QTMAN: variants seen among roughly 807,000 people sequenced by gnomAD.
QTMAN encodes tRNA-queuosine alpha-mannosyltransferase.
At chr2:144,131,258 T>C in the QTMAN span, among the ~76,000 whole-genome samples, 1 of 151,772 alleles carries the variant, frequency 6.6e-6, no homozygotes, top group African/African-American at 2.4e-5. Context: ...AGCAAATCTG[T>C]TTCTCAATTC....
the QTMAN span, among the ~76,000 whole-genome samples, chr2:144,285,379 C>T: frequency 6.6e-6 from 1 of 152,118 alleles, no homozygotes. Flanking sequence ...ATCTGAGACC[C>T]CAGGACCTCC....
chr2:144,226,141 A>G, the QTMAN span, among the ~76,000 whole-genome samples: 1 of 152,224 alleles, frequency 6.6e-6, no homozygotes, highest in Non-Finnish European at 1.5e-5. Flanking sequence ...ATCATGGTCA[A>G]TATCATTGAA....
At chr2:143,942,518 C>G in the QTMAN span, 1 of 167,238 alleles carries the variant, frequency 6.0e-6, no homozygotes, top group Non-Finnish European at 1.5e-5. Context: ...CTCTTGTGCT[C>G]TAACAGGCAG....
At chr2:144,176,676 G>A in the QTMAN span, among the ~76,000 whole-genome samples, 1 of 152,144 alleles carries the variant, frequency 6.6e-6, no homozygotes, top group Non-Finnish European at 1.5e-5. Context: ...ATTTATGTAT[G>A]TATGTCAGCA....
the QTMAN span, among the ~76,000 whole-genome samples, chr2:144,264,739 C>T: frequency 2.0e-5 from 3 of 152,272 alleles, 1 homozygote; most frequent in East Asian, 3.9e-4. Flanking sequence ...ACTCCAATAA[C>T]GGTTTCCTTG....
At chr2:144,143,153 T>C in the QTMAN span, among the ~76,000 whole-genome samples, 2 of 152,036 alleles carry the variant, frequency 1.3e-5, no homozygotes, top group African/African-American at 2.4e-5. Context: ...AGCTATGATG[T>C]CTGATAGGTT....
At chr2:144,172,556 G>A in the QTMAN span, among the ~76,000 whole-genome samples, 6 of 146,400 alleles carry the variant, frequency 4.1e-5, no homozygotes, top group South Asian at 2.2e-4. Context: ...CCTGGGAGCC[G>A]TAAGTTGCAG....
the QTMAN span, among the ~76,000 whole-genome samples, chr2:144,135,458 A>G: frequency 6.6e-5 from 10 of 152,180 alleles, no homozygotes; most frequent in Admixed American, 6.6e-4. Context: ...CTGAGCCCAC[A>G]GCTGTTTCTT....
the QTMAN span, among the ~76,000 whole-genome samples, chr2:144,004,657 T>C: frequency 2.6e-5 from 4 of 152,024 alleles, no homozygotes; most frequent in Admixed American, 6.6e-5. Flanking sequence ...TTGCTACCCC[T>C]GTAGCTAGTA....
At chr2:143,946,870 G>T in the QTMAN span, 2 of 566,608 alleles carry the variant, frequency 3.5e-6, no homozygotes, top group African/African-American at 3.8e-5. Context: ...TGGTGGCAGG[G>T]ATTGGAGATC....
chr2:144,096,569 T>G, the QTMAN span, among the ~76,000 whole-genome samples: 13 of 152,244 alleles, frequency 8.5e-5, no homozygotes, highest in African/African-American at 2.4e-4. Flanking sequence ...GTGTACAGGC[T>G]AGTAGATTAA....
chr2:144,017,598 TGAGAA>T, the QTMAN span, among the ~76,000 whole-genome samples: 3 of 152,338 alleles, frequency 2.0e-5, no homozygotes, highest in South Asian at 2.1e-4. Context: ...TTAGCTGACC[TGAGAA>T]AAGTCTTTTC....
chr2:144,019,214 T>C, the QTMAN span, among the ~76,000 whole-genome samples: 5 of 152,086 alleles, frequency 3.3e-5, no homozygotes, highest in African/African-American at 1.2e-4. Context: ...GCAAACATGC[T>C]AGAGCAAACA....
the QTMAN span, among the ~76,000 whole-genome samples, chr2:144,245,882 C>T: frequency 2.6e-5 from 4 of 152,184 alleles, no homozygotes; most frequent in Non-Finnish European, 5.9e-5. Flanking sequence ...CCCTCCCTCT[C>T]CCAGTAGATT....
the QTMAN span, among the ~76,000 whole-genome samples, chr2:144,180,255 CG>C: frequency 6.6e-6 from 1 of 151,856 alleles, no homozygotes; most frequent in South Asian, 2.1e-4. Context: ...TTAAAAGATA[CG>C]CAATTTGATT....
chr2:144,088,455 G>C, the QTMAN span, among the ~76,000 whole-genome samples: 21 of 152,064 alleles, frequency 1.4e-4, no homozygotes, highest in East Asian at 1.2e-3. Context: ...ATTCTTCACA[G>C]AATTAGAAAA....
chr2:144,010,123 G>C, the QTMAN span, among the ~76,000 whole-genome samples: 1 of 146,680 alleles, frequency 6.8e-6, no homozygotes. Context: ...TTTCATTTTA[G>C]AAAACAGTAT....
chr2:144,163,146 TATA>T, the QTMAN span, among the ~76,000 whole-genome samples: 1 of 152,122 alleles, frequency 6.6e-6, no homozygotes, highest in Non-Finnish European at 1.5e-5. Context: ...AAATTATAAA[TATA>T]CTATTATTAA....
chr2:144,114,728 G>T, the QTMAN span, among the ~76,000 whole-genome samples: 2 of 131,788 alleles, frequency 1.5e-5, no homozygotes, highest in African/African-American at 5.4e-5. Context: ...AAAACAAGAG[G>T]TTGCACTTAG....
Sources: allele counts gnomAD v4.1 joint callset (sites outside exome capture counted in the v4.1 genomes callset), GRCh38; gene constraint gnomAD v4.1.1; transcripts MANE v1.5; gene names NCBI Gene and HGNC (gene_info 2026-07-23, HGNC 2026-07-21).